PFKFB1: variants seen among roughly 807,000 people sequenced by gnomAD.
The protein encoded by PFKFB1 is 6-phosphofructo-2-kinase/fructose-2,6-biphosphatase 1.
PFKFB1 carries 34 observed loss-of-function variants against 46.4 expected under a neutral mutation model. The observed-to-expected ratio is 0.73, with a 90% CI of 0.56 to 0.98. The LOEUF is 0.98. Ranked by LOEUF, PFKFB1 falls within the 50% of genes least tolerant of loss-of-function variation. The probability of loss-of-function intolerance (pLI) is 0.00; values close to 1 mark genes in which losing one functional copy is unlikely to be tolerated. For synonymous variants in PFKFB1, 119 were observed against 133.8 expected (o/e 0.89, Z 0.76); for missense variants, 393 against 376.3 (o/e 1.04, Z -0.37).
At chrX:54,939,662 G>C (rs971214351) in intron 10 of PFKFB1, among the ~76,000 whole-genome samples, 10 of 111,483 alleles carry the variant, frequency 9.0e-5, no homozygotes, top group Non-Finnish European at 1.3e-4. Context: ...ATAAATTCCT[G>C]GACACATACA....
At position 54,952,006 on chromosome X, in the gene PFKFB1, C is replaced by T. The variant is rs56031427; in HGVS notation, c.745G>A (p.Val249Ile). 18 of 1,208,915 alleles carry T rather than the reference C, an allele frequency of 1.5e-5. No homozygotes were observed. The South Asian group carries it at 3.2e-4, about 21-fold the overall frequency. Reference sequence around the variant, plus strand: ...CAAAGGTAGATGGAGCGAGGTGTGACATGGATATTCATGAGGTAGTAGACT... The same window carrying T: ...CAAAGGTAGATGGAGCGAGGTGTGATATGGATATTCATGAGGTAGTAGACT... ...RTVYYLMNIH[V>I]TPRSIYLCRH... The change falls in exon 8 of 14, where the codon GTC (valine) becomes ATC (isoleucine). Residue 249 changes from valine to isoleucine, a missense_variant. By Grantham distance (29) the Val-to-Ile change is conservative. Coordinates refer to ENST00000375006, the MANE Select transcript of PFKFB1 (RefSeq NM_002625.4).
chrX:54,956,321 G>C, intron 6 of PFKFB1, 47 bp from the exon 7 acceptor site: 1 of 1,202,159 alleles, frequency 8.3e-7, no homozygotes, highest in Non-Finnish European at 1.1e-6. Flanking sequence ...TTGGGAGACA[G>C]ATGGTTTTCT....
At chrX:54,972,415 C>G (rs759585902) in intron 1 of PFKFB1, among the ~76,000 whole-genome samples, 5,204 of 109,007 alleles carry the variant, frequency 0.048, 335 homozygotes, top group African/African-American at 0.17. Context: ...CTGTCTTGTG[C>G]CAGTTTTCAA....
chrX:54,968,324 G>A (rs1934534689), intron 1 of PFKFB1, among the ~76,000 whole-genome samples: 1 of 69,927 alleles, frequency 1.4e-5, no homozygotes, highest in African/African-American at 5.5e-5. Context: ...CCTGTTGTGG[G>A]GTGGGGGGAG....
intron 1 of PFKFB1, among the ~76,000 whole-genome samples, chrX:54,988,097 GA>G (rs1935151224): frequency 9.0e-6 from 1 of 111,288 alleles, no homozygotes; most frequent in South Asian, 3.7e-4. Context: ...AAATCCCAAG[GA>G]ATGCACTAAA....
rs1434211455 is a variant in PFKFB1, at chrX:54,958,169, A to G, written c.516+137T>C. 7 of 400,129 alleles carry G rather than the reference A, an allele frequency of 1.7e-5. No individual in the cohort carries two copies. The Admixed American group carries it at 2.7e-4, about 16-fold the overall frequency. 33.0% of individuals were successfully genotyped at this position (400,129 alleles called of 1,213,427 possible). On this transcript the variant is annotated intron_variant, in intron 6 of 13. Transcript: ENST00000375006. ...CCAGGATGGTTAGGGAATGCTTCCT[A>G]TGAAAACTCAGAGAAGATCAGGGAG...
intron 8 of PFKFB1, among the ~76,000 whole-genome samples, chrX:54,949,424 CAGAGAGAGAGAGAG>C (rs3028350): frequency 1.1e-5 from 1 of 93,919 alleles, no homozygotes; most frequent in African/African-American, 4.0e-5. Flanking sequence ...AAGAGCATGA[CAGAGAGAGAGAGAG>C]AGAGAGAGAG....
chrX:54,963,510 G>A, intron 1 of PFKFB1, 128 bp from the exon 2 acceptor site: 1 of 674,557 alleles, frequency 1.5e-6, no homozygotes, highest in Non-Finnish European at 2.2e-6. Context: ...CCGGGAAAGT[G>A]AAAATTAAGA....
rs1569546760 is a variant in PFKFB1 at position 54,949,228 on chromosome X, T to A, written c.847-7A>T. ...TGGCCAGGGCATAGGCATACTAGGA[T>A]GTGGGGATGCAGAGGAGGAGAGAAG... On this transcript the variant is annotated splice_polypyrimidine_tract_variant and splice_region_variant and intron_variant, in intron 8 of 13. Transcript: ENST00000375006. The A allele has an allele frequency of 3.4e-6, 4 of 1,183,848 alleles. No individual in the cohort carries two copies. The highest frequency in any genetic ancestry group is 2.3e-5 in the Admixed American group (1 of 43,888).
chrX:54,942,179 T>C (rs959741462), intron 10 of PFKFB1, among the ~76,000 whole-genome samples: 1 of 110,504 alleles, frequency 9.0e-6, no homozygotes, highest in Non-Finnish European at 1.9e-5. Flanking sequence ...CGCTCATAGG[T>C]GGGAATTGAA....
At chrX:54,998,420 G>T (rs1380116374), upstream of PFKFB1, 3 of 1,150,770 alleles carry the variant, frequency 2.6e-6, no homozygotes, top group South Asian at 5.7e-5. Flanking sequence ...TATTCTAGAG[G>T]TTTTTTCTTC....
In PFKFB1 at chrX:54,974,278, C is replaced by T. The variant is rs1020615289; in HGVS notation, c.98-10896G>A. Among the ~76,000 whole-genome samples, 5 of 111,855 alleles carry T rather than the reference C, an allele frequency of 4.5e-5. No individual in the cohort carries two copies. The Admixed American group carries it at 4.8e-4, about 11-fold the overall frequency. On this transcript the variant is annotated intron_variant, in intron 1 of 13. Coordinates refer to ENST00000375006, the MANE Select transcript of PFKFB1 (RefSeq NM_002625.4). ...GCACATAGAGCAATGGAACAAAATT[C>T]GGAACCCAGAAATAAAGCCAAATAC...
intron 10 of PFKFB1, among the ~76,000 whole-genome samples, chrX:54,940,477 G>A (rs1299041496): frequency 8.9e-6 from 1 of 111,885 alleles, no homozygotes; most frequent in Non-Finnish European, 1.9e-5. Flanking sequence ...AGACATGATT[G>A]TATATTTAGA....
chrX:54,976,546 G>A (rs1485464485), intron 1 of PFKFB1, among the ~76,000 whole-genome samples: 1 of 111,899 alleles, frequency 8.9e-6, no homozygotes, highest in African/African-American at 3.2e-5. Context: ...TAGTGGAAAT[G>A]CAAAATGGTT....
chrX:54,960,112 C>T (rs764017655), intron 3 of PFKFB1, among the ~76,000 whole-genome samples: 8 of 112,552 alleles, frequency 7.1e-5, no homozygotes, highest in South Asian at 3.7e-4. Context: ...ACACGGTTTA[C>T]GGGCAGGTAT....
At chrX:54,960,537 G>C (rs1020128350) in intron 3 of PFKFB1, among the ~76,000 whole-genome samples, 3 of 112,251 alleles carry the variant, frequency 2.7e-5, no homozygotes, top group African/African-American at 9.7e-5. Flanking sequence ...ACCATTAAAG[G>C]TTCTTGATAA....
chrX:54,998,126 T>G (rs7059574), upstream of PFKFB1, among the ~76,000 whole-genome samples: 5,482 of 112,033 alleles, frequency 0.049, 280 homozygotes, highest in African/African-American at 0.16. Flanking sequence ...TCTCAATCAC[T>G]CAGTTCATTC....
intron 10 of PFKFB1, among the ~76,000 whole-genome samples, chrX:54,941,739 A>T (rs940816845): frequency 2.7e-5 from 3 of 111,810 alleles, no homozygotes; most frequent in African/African-American, 9.8e-5. Flanking sequence ...AAAATCAGGA[A>T]ACACCATGTG....
At chrX:54,993,383 G>C (rs1415147387) in intron 1 of PFKFB1, among the ~76,000 whole-genome samples, 3 of 111,511 alleles carry the variant, frequency 2.7e-5, no homozygotes, top group Non-Finnish European at 5.6e-5. Context: ...AACCTAGGCA[G>C]GTATAGACTC....
Sources: allele counts gnomAD v4.1 joint callset (sites outside exome capture counted in the v4.1 genomes callset), GRCh38; gene constraint gnomAD v4.1.1; transcripts MANE v1.5; gene names NCBI Gene and HGNC (gene_info 2026-07-23, HGNC 2026-07-21).